WNT11: variants seen among roughly 807,000 people sequenced by gnomAD.
The protein encoded by WNT11 is Wnt family member 11, also known as protein Wnt-11.
A neutral mutation model predicts 35.6 loss-of-function variants in WNT11; 20 were observed. That is an observed-to-expected ratio of 0.56 (90% CI 0.40 to 0.82). The LOEUF (loss-of-function observed/expected upper bound fraction) is 0.82. Among genes scored for constraint, WNT11 ranks in the 40% least tolerant of loss-of-function variants. The pLI is 0.00. For missense variants in WNT11, 459 were observed against 504.4 expected, an observed-to-expected ratio of 0.91 and a Z score of 0.86; for synonymous variants, 200 against 211.9, an observed-to-expected ratio of 0.94 and a Z score of 0.49.
intron 4 of WNT11, among the ~76,000 whole-genome samples, chr11:76,190,422 C>G (rs1342646070): frequency 6.6e-6 from 1 of 152,110 alleles, no homozygotes; most frequent in African/African-American, 2.4e-5. Flanking sequence ...CCTCTGCCGA[C>G]CCCCTCAATC....
In WNT11 at chr11:76,196,672, G is replaced by A. The variant is rs750517838; in HGVS notation, c.130C>T (p.His44Tyr). 2 of 1,613,228 alleles carry A rather than the reference G, an allele frequency of 1.2e-6. No individual in the cohort carries two copies. Among genetic ancestry groups the A allele is most frequent in the Non-Finnish European group, 8.5e-7 (1 of 1,179,912 alleles). Reference sequence around the variant, plus strand: ...ACCAGACCCTCCAGCTGCTTGCAGTGTTGCGTCTGGTTCAGTGCCAGGGCC... The same window carrying A: ...ACCAGACCCTCCAGCTGCTTGCAGTATTGCGTCTGGTTCAGTGCCAGGGCC... Reference protein sequence around the residue: ...PSALALNQTQHCKQLEGLVSA... With the variant: ...PSALALNQTQYCKQLEGLVSA... Residue 44 changes from histidine (H) to tyrosine (Y), a missense_variant, in exon 2 of 5, where the codon CAC becomes TAC. By Grantham distance (83) the His-to-Tyr change is moderately conservative. Coordinates refer to ENST00000322563, the MANE Select transcript of WNT11 (RefSeq NM_004626.3).
chr11:76,204,990 T>C (rs1953449065), intron 1 of WNT11, among the ~76,000 whole-genome samples: 1 of 152,188 alleles, frequency 6.6e-6, no homozygotes, highest in African/African-American at 2.4e-5. Flanking sequence ...CGGAGGTCCC[T>C]GCCAGCTGGA....
chr11:76,199,290 C>T (rs923138791), intron 1 of WNT11, among the ~76,000 whole-genome samples: 1 of 151,970 alleles, frequency 6.6e-6, no homozygotes, highest in Admixed American at 6.6e-5. Flanking sequence ...TTTAAGACCA[C>T]CCTGGGCAAC....
At chr11:76,206,674 C>A (rs1212802008), upstream of WNT11, 2 of 634,424 alleles carry the variant, frequency 3.2e-6, no homozygotes, top group Non-Finnish European at 4.3e-6. Flanking sequence ...TAGGCGCGGC[C>A]GAAGGCGTGT....
chr11:76,206,408 C>A lies in WNT11; in HGVS notation c.-1G>T, dbSNP rs751369327. The stretch of plus-strand genomic sequence containing the variant: ...CGCAGACCTGCGGCCGCGCCCTCAT[C>A]GTCGCGCGGCGGGCGCGCCCGGGGT... On this transcript the variant is annotated 5_prime_UTR_variant, in exon 1 of 5. Coordinates refer to ENST00000322563, the MANE Select transcript of WNT11 (RefSeq NM_004626.3). 6.6e-7 allele frequency: 1 copy of A among 1,506,988 alleles called. No homozygotes were observed. Among genetic ancestry groups the A allele is most frequent in the Non-Finnish European group, 8.8e-7 (1 of 1,133,014 alleles). 93.4% of individuals were successfully genotyped at this position (1,506,988 alleles called of 1,614,324 possible). A position where few individuals can be genotyped will look rare whatever the true frequency, so the allele number is the denominator to read the frequency against.
At chr11:76,208,640 G>T (rs1015180867), upstream of WNT11, among the ~76,000 whole-genome samples, 34 of 152,168 alleles carry the variant, frequency 2.2e-4, no homozygotes, top group Non-Finnish European at 2.6e-4. Context: ...GGACGGAGGC[G>T]CGCGGACTCA....
rs372982547 is a variant in WNT11, at chr11:76,194,720, G to A, written c.444C>T (p.Pro148=). 2.7e-4 allele frequency: 422 copies of A among 1,550,274 alleles called. 1 individual carries two copies. The highest frequency in any genetic ancestry group is 3.3e-4 in the Non-Finnish European group (381 of 1,146,938). ...CSCGPVPGEP[P]GPGNRWGGCA... is the part of the protein sequence containing the mutation. ...ATCCTCCCCAGCGGTTCCCGGGCCCGGGTGGCTCACCTGGGACGGGGCCGC... is the reference window on the plus strand; with the variant it reads ...ATCCTCCCCAGCGGTTCCCGGGCCCAGGTGGCTCACCTGGGACGGGGCCGC... Residue 148 remains proline, a synonymous_variant, in exon 3 of 5, where the codon CCC becomes CCT. Transcript: ENST00000322563. The surrounding 1 kb of genome is among the most constrained non-coding windows in gnomAD (Gnocchi z 5.4).
At chr11:76,187,991 C>A (rs1371689350) in intron 4 of WNT11, among the ~76,000 whole-genome samples, 1 of 152,230 alleles carries the variant, frequency 6.6e-6, no homozygotes, top group East Asian at 1.9e-4. Flanking sequence ...CCTCAGCCTC[C>A]CGAGTAGCTG....
At chr11:76,209,969 C>G (rs543049122), upstream of WNT11, among the ~76,000 whole-genome samples, 104 of 151,890 alleles carry the variant, frequency 6.8e-4, no homozygotes, top group African/African-American at 2.3e-3. Context: ...CCCTGGGACC[C>G]GTTCTCAAAG....
chr11:76,194,930 C>A lies in WNT11; in HGVS notation c.320-86G>T. On this transcript the variant is annotated intron_variant, in intron 2 of 4. Transcript: ENST00000322563. The surrounding 1 kb of genome is among the most constrained non-coding windows in gnomAD (Gnocchi z 5.4). ...AGAGGTCCTCCACCTTCGCCCACAC[C>A]CTGCTGTAACCAAGGTGACGCCAGC... is the stretch of plus-strand genomic sequence containing the variant. 5.0e-6 allele frequency: 7 copies of A among 1,413,130 alleles called. No homozygotes were observed. The South Asian group carries it at 1.0e-4, about 21-fold the overall frequency. The allele number at this position is 1,413,130 out of a possible 1,614,324, so 87.5% of individuals were successfully genotyped here. A position where few individuals can be genotyped will look rare whatever the true frequency, so the allele number is the denominator to read the frequency against.
At chr11:76,192,803 T>A (rs1456995936) in intron 3 of WNT11, among the ~76,000 whole-genome samples, 1 of 152,236 alleles carries the variant, frequency 6.6e-6, no homozygotes, top group Admixed American at 6.5e-5. Context: ...CTTCCAGTTC[T>A]GCCTTTTAAA....
intron 4 of WNT11, 88 bp from the exon 5 acceptor site, chr11:76,187,327 G>A (rs1355538466): frequency 1.2e-5 from 16 of 1,320,828 alleles, no homozygotes; most frequent in Middle Eastern, 2.6e-4. Context: ...AGCCGGCAGC[G>A]TCTCCCATGG....
At chr11:76,206,256 G>A in intron 1 of WNT11, 69 bp downstream of exon 1, 1 of 1,335,284 alleles carries the variant, frequency 7.5e-7, no homozygotes, top group African/African-American at 1.5e-5. Context: ...CCCCATCCAG[G>A]GGACCCCAAA....
chr11:76,210,434 C>A, upstream of WNT11: 1 of 985,386 alleles, frequency 1.0e-6, no homozygotes, highest in Non-Finnish European at 1.2e-6. Flanking sequence ...GGCGGGTCCC[C>A]GCTGAGCGGC....
At chr11:76,204,015 C>T (rs1334996010) in intron 1 of WNT11, among the ~76,000 whole-genome samples, 7 of 152,162 alleles carry the variant, frequency 4.6e-5, no homozygotes, top group Non-Finnish European at 1.0e-4. Flanking sequence ...TTCTGTGCAA[C>T]GGGGGTAATA....
In WNT11 at chr11:76,191,496, C is replaced by T. The variant is rs1378179256; in HGVS notation, c.890+68G>A. 2.5e-5 allele frequency: 38 copies of T among 1,541,676 alleles called. No individual in the cohort carries two copies. The East Asian group carries it at 8.4e-4, about 34-fold the overall frequency. Reference sequence around the variant, plus strand: ...ACCTGAGTCCCTGCTGTGTGCGTGACCCTGAGCTGGGGAACAGTATGTGCA... The same window carrying T: ...ACCTGAGTCCCTGCTGTGTGCGTGATCCTGAGCTGGGGAACAGTATGTGCA... On this transcript the variant is annotated intron_variant, in intron 4 of 4. Transcript: ENST00000322563.
chr11:76,205,264 A>T (rs187192346), intron 1 of WNT11, among the ~76,000 whole-genome samples: 1 of 151,748 alleles, frequency 6.6e-6, no homozygotes, highest in East Asian at 1.9e-4. Flanking sequence ...TAATTCACAA[A>T]CCCTTTGCAG....
In WNT11 at chr11:76,200,644, G is replaced by A. The variant is rs542245179; in HGVS notation, c.84-3926C>T. ...CCAGCAGGCCCCGTCATCCTTCTTGGTGAGGCTGTCAGTCCCTGCAGGCAC... is the reference window on the plus strand; with the variant it reads ...CCAGCAGGCCCCGTCATCCTTCTTGATGAGGCTGTCAGTCCCTGCAGGCAC... On this transcript the variant is annotated intron_variant, in intron 1 of 4. Coordinates refer to ENST00000322563, the MANE Select transcript of WNT11 (RefSeq NM_004626.3). 3.9e-5 allele frequency among the ~76,000 whole-genome samples: 6 copies of A among 152,306 alleles called. No individual in the cohort carries two copies. In the East Asian group the frequency reaches 1.2e-3, roughly 29 times the overall value.
At chr11:76,210,082 T>C (rs2134619432), upstream of WNT11, among the ~76,000 whole-genome samples, 1 of 148,060 alleles carries the variant, frequency 6.8e-6, no homozygotes, top group Non-Finnish European at 1.5e-5. Flanking sequence ...TGTCGCGGGA[T>C]CCAAGTCCCC....
Sources: gnomAD v4.1 joint callset for allele counts (sites outside exome capture counted in the v4.1 genomes callset) on GRCh38, gnomAD v4.1.1 for gene constraint, Gnocchi (gnomAD v3.1) non-coding constraint, MANE v1.5 for transcripts, NCBI Gene and HGNC (gene_info 2026-07-23, HGNC 2026-07-21) for gene names.